Variants in BRF1 observed in about 807,000 individuals in gnomAD.
BRF1 encodes the protein BRF1 general transcription factor IIIB subunit.
Under a neutral mutation model 81.7 loss-of-function variants are expected in BRF1, and 59 were observed. The ratio of observed to expected loss-of-function variants is 0.72; its 90% confidence interval spans 0.59 to 0.90. BRF1 has a LOEUF of 0.90. BRF1 is among the 40% of genes least tolerant of loss of function. BRF1 has a pLI of 0.00. For synonymous variants in BRF1, 491 were observed against 395.6 expected (o/e 1.24, Z -2.86); for missense variants, 1,050 against 936.3 (o/e 1.12, Z -1.58).
intron 5 of BRF1, among the ~76,000 whole-genome samples, chr14:105,246,183 G>A (rs1271429276): frequency 2.0e-5 from 3 of 151,598 alleles, no homozygotes; most frequent in South Asian, 2.1e-4. Flanking sequence ...CCTCACCACC[G>A]CACTCCAGCC....
intron 5 of BRF1, chr14:105,249,399 T>A (rs749962417): frequency 6.2e-7 from 1 of 1,613,394 alleles, no homozygotes; most frequent in Non-Finnish European, 8.5e-7. Context: ...CTATGCCATG[T>A]TCTACGGAGA....
chr14:105,314,696 G>C (rs1262349131), intron 1 of BRF1: 1 of 142,658 alleles, frequency 7.0e-6, no homozygotes, highest in Non-Finnish European at 1.6e-5. Context: ...CGGGGCGGCC[G>C]GGGGCGCGCG....
At chr14:105,220,410 G>A (rs1892092409) in intron 11 of BRF1, among the ~76,000 whole-genome samples, 1 of 152,202 alleles carries the variant, frequency 6.6e-6, no homozygotes, top group African/African-American at 2.4e-5. Context: ...AACTTTTTAA[G>A]AACAGGAGAC....
rs187619995 is a variant in BRF1 at position 105,228,712 on chromosome 14, C to T, written c.788+108G>A. ...GGCTAGGTCCTGGCCAGCAGCCAGG[C>T]GGGGGACGGCAGGGTCCCGGGAGGT... On this transcript the variant is annotated intron_variant, in intron 7 of 17. Transcript: ENST00000547530. 1.3e-3 allele frequency: 1,677 copies of T among 1,278,706 alleles called. 26 individuals carry two copies. In the South Asian group the frequency reaches 0.016, roughly 12 times the overall value. The allele number at this position is 1,278,706 out of a possible 1,614,324, so 79.2% of individuals were successfully genotyped here.
chr14:105,228,804 A>C lies in BRF1; in HGVS notation c.788+16T>G, dbSNP rs147668617. On this transcript the variant is annotated intron_variant, in intron 7 of 17. Coordinates refer to ENST00000547530, the MANE Select transcript of BRF1 (RefSeq NM_001519.4). ...GCCTCTGTGTGGTCCCCATGCCATG[A>C]ATGAGAGCCCCTCACCTCTTCCGCA... is the stretch of plus-strand genomic sequence containing the variant. 1.2e-6 allele frequency: 2 copies of C among 1,613,466 alleles called. No homozygotes were observed. The highest frequency in any genetic ancestry group is 2.2e-5 in the South Asian group (2 of 91,068).
chr14:105,227,042 G>A (rs1015501728), intron 7 of BRF1: 8 of 379,970 alleles, frequency 2.1e-5, no homozygotes, highest in Non-Finnish European at 3.8e-5. Flanking sequence ...CTTGAGCCCA[G>A]GAGGTTGAGG....
intron 5 of BRF1, chr14:105,249,467 G>A: frequency 6.2e-7 from 1 of 1,609,608 alleles, no homozygotes; most frequent in Non-Finnish European, 8.5e-7. Flanking sequence ...CAGCCTTTCT[G>A]ATCCTCTTAA....
At chr14:105,293,359 C>T (rs973388210) in intron 1 of BRF1, among the ~76,000 whole-genome samples, 1 of 152,184 alleles carries the variant, frequency 6.6e-6, no homozygotes, top group African/African-American at 2.4e-5. Context: ...CACGGACACC[C>T]CAGCTTCGAA....
intron 2 of BRF1, among the ~76,000 whole-genome samples, chr14:105,278,185 C>T (rs2056922555): frequency 6.6e-6 from 1 of 152,182 alleles, no homozygotes; most frequent in Admixed American, 6.5e-5. Flanking sequence ...TGCCGTGGCT[C>T]ATGCCTGTAG....
At chr14:105,283,244 C>T (rs892842282) in intron 2 of BRF1, among the ~76,000 whole-genome samples, 3 of 152,166 alleles carry the variant, frequency 2.0e-5, no homozygotes, top group African/African-American at 7.2e-5. Flanking sequence ...GGGGCTGGAC[C>T]AATGGCCTCC....
At chr14:105,229,479 A>G (rs587615602) in intron 6 of BRF1, among the ~76,000 whole-genome samples, 17 of 152,274 alleles carry the variant, frequency 1.1e-4, no homozygotes, top group Non-Finnish European at 1.8e-4. Flanking sequence ...CCGGATGAGG[A>G]GTGAGGGCCC....
intron 5 of BRF1, among the ~76,000 whole-genome samples, chr14:105,243,460 A>T (rs1289799803): frequency 7.3e-6 from 1 of 136,926 alleles, no homozygotes; most frequent in Admixed American, 7.2e-5. Context: ...CTCTTAAAAA[A>T]AAAAAAATAA....
chr14:105,282,139 T>G (rs979145746), intron 2 of BRF1, among the ~76,000 whole-genome samples: 2 of 152,228 alleles, frequency 1.3e-5, no homozygotes, highest in Non-Finnish European at 2.9e-5. Context: ...CCGGAGCAGA[T>G]GCTCCCCACA....
intron 15 of BRF1, among the ~76,000 whole-genome samples, chr14:105,215,210 A>G (rs1380986746): frequency 1.3e-5 from 2 of 151,880 alleles, no homozygotes; most frequent in Admixed American, 1.3e-4. Context: ...GAGAGACTTA[A>G]GACACACACA....
chr14:105,211,316 C>T, intron 16 of BRF1, 23 bp from the exon 17 acceptor site: 1 of 1,567,504 alleles, frequency 6.4e-7, no homozygotes, highest in Non-Finnish European at 8.6e-7. Context: ...GGGGCTCTGA[C>T]ACACACAGAG....
rs1241610823 is a variant in BRF1, at chr14:105,210,121, G to T, written c.*430C>A. On this transcript the variant is annotated 3_prime_UTR_variant, in exon 18 of 18. Coordinates refer to ENST00000547530, the MANE Select transcript of BRF1 (RefSeq NM_001519.4). This position sits in a 1 kb window ranked among gnomAD's most constrained non-coding sequence, Gnocchi z 4.7. ...TGGCGCCGAGTGCTGCTCAGGAGGGGACGGTGCGGAGGGTGGGCTGGAGAC... is the reference window on the plus strand; with the variant it reads ...TGGCGCCGAGTGCTGCTCAGGAGGGTACGGTGCGGAGGGTGGGCTGGAGAC... 3 of 234,476 alleles carry T rather than the reference G, an allele frequency of 1.3e-5. No individual in the cohort carries two copies. The highest frequency in any genetic ancestry group is 5.1e-5 in the Admixed American group (1 of 19,428). 14.5% of individuals were successfully genotyped at this position (234,476 alleles called of 1,614,324 possible).
At chr14:105,285,669 T>C (rs2140472964) in intron 2 of BRF1, among the ~76,000 whole-genome samples, 1 of 152,232 alleles carries the variant, frequency 6.6e-6, no homozygotes, top group Non-Finnish European at 1.5e-5. Flanking sequence ...CTGGATACTA[T>C]CAGAATTTAA....
intron 1 of BRF1, 131 bp downstream of exon 1, chr14:105,300,315 A>C: frequency 4.8e-6 from 5 of 1,047,778 alleles, no homozygotes; most frequent in Non-Finnish European, 6.4e-6. Flanking sequence ...ACTCGCGCCC[A>C]GACGGCGCAG....
At chr14:105,294,127 G>C (rs1389951042) in intron 1 of BRF1, among the ~76,000 whole-genome samples, 1 of 152,142 alleles carries the variant, frequency 6.6e-6, no homozygotes, top group Non-Finnish European at 1.5e-5. Context: ...GAGACAGAGG[G>C]GCTGCCCAGA....
Sources: allele counts gnomAD v4.1 joint callset (sites outside exome capture counted in the v4.1 genomes callset), GRCh38; gene constraint gnomAD v4.1.1; non-coding constraint Gnocchi (gnomAD v3.1); transcripts MANE v1.5; gene names NCBI Gene and HGNC (gene_info 2026-07-23, HGNC 2026-07-21).